The following DIS3L2 variants were observed in gnomAD, a reference collection of about 807,000 sequenced individuals.
The protein encoded by DIS3L2 is DIS3-like exonuclease 2.
A neutral mutation model predicts 97.5 loss-of-function variants in DIS3L2; 34 were observed. The ratio of observed to expected loss-of-function variants is 0.35; its 90% CI spans 0.27 to 0.46. The LOEUF (loss-of-function observed/expected upper bound fraction) is 0.46, where lower values mean the gene tolerates loss of function less well. Ranked by LOEUF, DIS3L2 falls within the 20% of genes least tolerant of loss-of-function variation. The pLI is 1.00. For missense variants in DIS3L2, 1,038 were observed against 1,146.0 expected (o/e 0.91, Z 1.36); for synonymous variants, 435 against 445.2 (o/e 0.98, Z 0.29).
intron 14 of DIS3L2, among the ~76,000 whole-genome samples, chr2:232,327,903 G>A (rs1695622107): frequency 6.6e-6 from 1 of 152,214 alleles, no homozygotes; most frequent in African/African-American, 2.4e-5. Context: ...ACAGCCCTGA[G>A]CAGGTGCCAT....
intron 14 of DIS3L2, among the ~76,000 whole-genome samples, chr2:232,306,845 C>A (rs1694997781): frequency 6.6e-6 from 1 of 152,250 alleles, no homozygotes; most frequent in Non-Finnish European, 1.5e-5. Context: ...ATCCTGTCTT[C>A]CTGCCCTGGC....
rs376332081 is a variant in DIS3L2 at position 232,103,992 on chromosome 2, TC to T, written c.601+16279del. Among the ~76,000 whole-genome samples, 64 of 151,614 alleles carry T rather than the reference TC, an allele frequency of 4.2e-4. 1 individual carries two copies. Among genetic ancestry groups the T allele is most frequent in the African/African-American group, 1.2e-3 (51 of 41,338 alleles). On this transcript the variant is annotated intron_variant, in intron 6 of 20. Coordinates refer to ENST00000325385, the MANE Select transcript of DIS3L2 (RefSeq NM_152383.5). Reference sequence around the variant, plus strand: ...ATCTGTGATCATAACCCCTTTCAGGTCCCCCCCCACCACCTTTTTTTAACAC... The same window carrying T: ...ATCTGTGATCATAACCCCTTTCAGGTCCCCCCCACCACCTTTTTTTAACAC...
At chr2:232,215,443 C>T (rs1039947181) in intron 10 of DIS3L2, among the ~76,000 whole-genome samples, 8 of 152,192 alleles carry the variant, frequency 5.3e-5, no homozygotes, top group Admixed American at 1.3e-4. Context: ...CTGGGGTGGA[C>T]ATTACCTACT....
chr2:232,098,230 CT>C (rs1287034317), intron 6 of DIS3L2, among the ~76,000 whole-genome samples: 1 of 152,096 alleles, frequency 6.6e-6, no homozygotes, highest in African/African-American at 2.4e-5. Flanking sequence ...AGGAACAATT[CT>C]TTTTTTATTA....
intron 20 of DIS3L2, chr2:232,336,245 TTG>T (rs1233465753): frequency 6.5e-7 from 1 of 1,538,182 alleles, no homozygotes; most frequent in African/African-American, 1.4e-5. Context: ...GGCCCTCAGG[TTG>T]TGTTTCATAA....
intron 1 of DIS3L2, among the ~76,000 whole-genome samples, chr2:231,975,066 G>A (rs1693041887): frequency 6.6e-6 from 1 of 152,118 alleles, no homozygotes; most frequent in African/African-American, 2.4e-5. Flanking sequence ...TTTATCTACT[G>A]TTTACACTTT....
intron 9 of DIS3L2, among the ~76,000 whole-genome samples, chr2:232,209,704 A>G (rs561915829): frequency 1.1e-4 from 17 of 152,180 alleles, no homozygotes; most frequent in Admixed American, 4.6e-4. Context: ...TATATGGGAA[A>G]CTGTAAAACA....
At chr2:232,186,859 T>G (rs972406626) in intron 9 of DIS3L2, among the ~76,000 whole-genome samples, 4 of 152,078 alleles carry the variant, frequency 2.6e-5, no homozygotes, top group Admixed American at 2.0e-4. Context: ...AAACTAGAAA[T>G]CTCTTAGGAG....
intron 5 of DIS3L2, among the ~76,000 whole-genome samples, chr2:232,086,652 T>TATATATACAC (rs1696649957): frequency 2.0e-5 from 1 of 49,648 alleles, no homozygotes. Flanking sequence ...TATGTATATA[T>TATATATACAC]ATATATATGT....
intron 8 of DIS3L2, among the ~76,000 whole-genome samples, chr2:232,148,753 T>TTC (rs953853331): frequency 5.1e-5 from 7 of 137,268 alleles, no homozygotes; most frequent in Non-Finnish European, 8.2e-5. Context: ...TCTTTCTTTT[T>TTC]TTTTTTTTTT....
At chr2:232,001,573 T>TTTTTTTTTTTTTTTTTTTTC in intron 1 of DIS3L2, among the ~76,000 whole-genome samples, 1 of 144,242 alleles carries the variant, frequency 6.9e-6, no homozygotes, top group Non-Finnish European at 1.5e-5. Flanking sequence ...TTTTTTTTTT[T>TTTTTTTTTTTTTTTTTTTTC]TTTTTTTGCT....
intron 6 of DIS3L2, among the ~76,000 whole-genome samples, chr2:232,128,070 C>T (rs147066417): frequency 2.9e-3 from 449 of 152,210 alleles, no homozygotes; most frequent in African/African-American, 9.9e-3. Flanking sequence ...CCCACGTGAA[C>T]CTCTCAGGTA....
chr2:232,277,857 C>T (rs1694182672), intron 13 of DIS3L2, among the ~76,000 whole-genome samples: 1 of 152,160 alleles, frequency 6.6e-6, no homozygotes, highest in South Asian at 2.1e-4. Flanking sequence ...ACCTGTACAG[C>T]ATGTGACTGT....
At chr2:232,091,963 C>G (rs1696853377) in intron 6 of DIS3L2, among the ~76,000 whole-genome samples, 1 of 152,172 alleles carries the variant, frequency 6.6e-6, no homozygotes, top group Non-Finnish European at 1.5e-5. Flanking sequence ...CTCAAGAAGT[C>G]TTTGCCCAGT....
At chr2:232,122,603 A>C (rs1202015007) in intron 6 of DIS3L2, among the ~76,000 whole-genome samples, 1 of 152,150 alleles carries the variant, frequency 6.6e-6, no homozygotes, top group Non-Finnish European at 1.5e-5. Context: ...CTGTAATCCC[A>C]GCTACTCGGG....
intron 10 of DIS3L2, among the ~76,000 whole-genome samples, chr2:232,236,161 TG>T (rs1268946373): frequency 6.6e-6 from 1 of 152,202 alleles, no homozygotes; most frequent in Non-Finnish European, 1.5e-5. Flanking sequence ...TTCTTTTCCT[TG>T]CCTGAACCCC....
At chr2:232,022,436 T>C (rs1487568329) in intron 3 of DIS3L2, among the ~76,000 whole-genome samples, 1 of 152,190 alleles carries the variant, frequency 6.6e-6, no homozygotes, top group East Asian at 1.9e-4. Flanking sequence ...GAGCAACCTG[T>C]CTCTTTTCCC....
intron 11 of DIS3L2, 64 bp downstream of exon 11, chr2:232,238,709 T>G (rs1693001037): frequency 1.4e-6 from 2 of 1,393,548 alleles, no homozygotes; most frequent in Non-Finnish European, 2.0e-6. Flanking sequence ...CCTGGAAGAG[T>G]GTGTGCTCTC....
chr2:231,966,546 C>A (rs2106212518), intron 1 of DIS3L2, among the ~76,000 whole-genome samples: 1 of 151,500 alleles, frequency 6.6e-6, no homozygotes, highest in African/African-American at 2.4e-5. Context: ...CTCACTGTAA[C>A]CTTGAACTCC....
Sources: allele counts gnomAD v4.1 joint callset (sites outside exome capture counted in the v4.1 genomes callset), GRCh38; gene constraint gnomAD v4.1.1; transcripts MANE v1.5; gene names NCBI Gene and HGNC (gene_info 2026-07-23, HGNC 2026-07-21).